The following VWA3B variants were observed in gnomAD, a reference collection of about 807,000 sequenced individuals.
VWA3B encodes the protein von Willebrand factor A domain-containing protein 3B.
VWA3B carries 138 observed loss-of-function variants against 158.3 expected under a neutral mutation model. The ratio of observed to expected loss-of-function variants is 0.87; its 90% CI spans 0.76 to 1.00. The LOEUF (loss-of-function observed/expected upper bound fraction) is 1.00, where lower values mean the gene tolerates loss of function less well. Ranked by LOEUF, VWA3B falls within the 50% of genes least tolerant of loss-of-function variation. The pLI, the probability that VWA3B is intolerant of heterozygous loss-of-function variation, is 0.00. For missense variants in VWA3B, 1,555 were observed against 1,565.1 expected (o/e 0.99, Z 0.11); for synonymous variants, 596 against 587.3 (o/e 1.01, Z -0.21).
At chr2:98,122,810 C>G (rs1156255126) in intron 5 of VWA3B, among the ~76,000 whole-genome samples, 1 of 152,122 alleles carries the variant, frequency 6.6e-6, no homozygotes, top group Admixed American at 6.5e-5. Flanking sequence ...CATTCCTATT[C>G]CAGGAAGTAA....
intron 3 of VWA3B, among the ~76,000 whole-genome samples, chr2:98,118,425 A>T (rs190505362): frequency 6.6e-6 from 1 of 152,184 alleles, no homozygotes; most frequent in Admixed American, 6.5e-5. Context: ...TTTCCAAGAT[A>T]AAGTACCGTA....
At chr2:98,122,809 T>A (rs1675068966) in intron 5 of VWA3B, among the ~76,000 whole-genome samples, 1 of 152,206 alleles carries the variant, frequency 6.6e-6, no homozygotes, top group African/African-American at 2.4e-5. Flanking sequence ...TCATTCCTAT[T>A]CCAGGAAGTA....
At chr2:98,239,021 G>A (rs551570507) in intron 19 of VWA3B, among the ~76,000 whole-genome samples, 2 of 152,280 alleles carry the variant, frequency 1.3e-5, no homozygotes, top group South Asian at 2.1e-4. Flanking sequence ...AATTGGTAAG[G>A]TTAAAAATCA....
chr2:98,260,751 C>T (rs2105843236), intron 21 of VWA3B, among the ~76,000 whole-genome samples: 1 of 151,762 alleles, frequency 6.6e-6, no homozygotes, highest in South Asian at 2.1e-4. Context: ...TTTATATCTG[C>T]TTGATGATTT....
At chr2:98,279,990 T>C (rs960232745) in intron 22 of VWA3B, among the ~76,000 whole-genome samples, 1 of 152,204 alleles carries the variant, frequency 6.6e-6, no homozygotes, top group African/African-American at 2.4e-5. Context: ...TCGTGTGAGA[T>C]GTTTGTGTAA....
chr2:98,209,341 C>T (rs1156944807), intron 12 of VWA3B, among the ~76,000 whole-genome samples: 3 of 151,880 alleles, frequency 2.0e-5, no homozygotes, highest in Non-Finnish European at 4.4e-5. Context: ...AGTGTGGTGG[C>T]GCGATCTCGG....
At chr2:98,142,264 C>T (rs909091444) in intron 7 of VWA3B, among the ~76,000 whole-genome samples, 9 of 152,122 alleles carry the variant, frequency 5.9e-5, no homozygotes, top group African/African-American at 1.9e-4. Context: ...TTTTGTAGAC[C>T]CTGCCCCGCC....
chr2:98,236,245 CTG>C, intron 17 of VWA3B, 143 bp from the exon 18 acceptor site: 2 of 912,420 alleles, frequency 2.2e-6, no homozygotes, highest in Non-Finnish European at 3.3e-6. Context: ...AGAGCCCGCT[CTG>C]ACAAATCAGG....
chr2:98,129,423 C>G (rs2105023250), intron 6 of VWA3B, among the ~76,000 whole-genome samples: 1 of 152,208 alleles, frequency 6.6e-6, no homozygotes, highest in East Asian at 1.9e-4. Flanking sequence ...TATAAGGTCA[C>G]TCATCCTATA....
intron 7 of VWA3B, among the ~76,000 whole-genome samples, chr2:98,162,081 ATACAGTTAAGG>A (rs1678643681): frequency 6.6e-6 from 1 of 152,082 alleles, no homozygotes; most frequent in African/African-American, 2.4e-5. Context: ...CTTGACTTTG[ATACAGTTAAGG>A]TAGCAGGACA....
chr2:98,134,409 G>A (rs1357613501), intron 7 of VWA3B, among the ~76,000 whole-genome samples: 1 of 152,174 alleles, frequency 6.6e-6, no homozygotes, highest in Non-Finnish European at 1.5e-5. Context: ...GAGGCGGAAT[G>A]AACTTCCCCT....
intron 12 of VWA3B, among the ~76,000 whole-genome samples, chr2:98,204,492 T>G (rs896618831): frequency 6.6e-6 from 1 of 152,270 alleles, no homozygotes; most frequent in Non-Finnish European, 1.5e-5. Context: ...CAAATCCTTT[T>G]CTGTGCAAAT....
intron 17 of VWA3B, 70 bp from the exon 18 acceptor site, chr2:98,236,320 T>C (rs1257859839): frequency 1.3e-6 from 2 of 1,515,716 alleles, no homozygotes; most frequent in East Asian, 2.3e-5. Flanking sequence ...GAGACAAGCG[T>C]GATCCCTTTG....
Position 98,112,434 on chromosome 2 carries a change from GTTTTT to G in VWA3B, c.197-3212_197-3208del, listed in dbSNP as rs375442348. On this transcript the variant is annotated intron_variant, in intron 2 of 27. Transcript: ENST00000477737. ...GCTGGTTTTAGAATTACTGGTTGAA[GTTTTT>G]TTTTTCTGACCTTTAAATATGTCAA... 1.7e-3 allele frequency among the ~76,000 whole-genome samples: 256 copies of G among 148,086 alleles called. 3 individuals are homozygous for G. The highest frequency in any genetic ancestry group is 9.0e-3 in the South Asian group (42 of 4,678).
rs6720119 is a variant in VWA3B at position 98,127,296 on chromosome 2, A to G, written c.703-943A>G. Among the ~76,000 whole-genome samples, 1,457 of 152,212 alleles carry G rather than the reference A, an allele frequency of 9.6e-3. 40 individuals carry two copies. Among genetic ancestry groups the G allele is most frequent in the African/African-American group, 0.033 (1,391 of 41,532 alleles). On this transcript the variant is annotated intron_variant, in intron 5 of 27. Transcript: ENST00000477737. ...GAAGTCATCCTGTTTCAATGCCATCATGAATAATAAACTGCATTATCTCCC... is the reference window on the plus strand; with the variant it reads ...GAAGTCATCCTGTTTCAATGCCATCGTGAATAATAAACTGCATTATCTCCC...
intron 12 of VWA3B, among the ~76,000 whole-genome samples, chr2:98,209,841 C>CTTTATGATA (rs1683355616): frequency 6.6e-6 from 1 of 152,140 alleles, no homozygotes; most frequent in Non-Finnish European, 1.5e-5. Context: ...GACTTTATTT[C>CTTTATGATA]CACTTATGTC....
chr2:98,257,194 G>T (rs1434701853), intron 21 of VWA3B, among the ~76,000 whole-genome samples: 1 of 151,912 alleles, frequency 6.6e-6, no homozygotes, highest in African/African-American at 2.4e-5. Flanking sequence ...CCTACAGATG[G>T]GTGAGAACTA....
intron 9 of VWA3B, among the ~76,000 whole-genome samples, 159 bp from the exon 10 acceptor site, chr2:98,187,816 C>T (rs548419531): frequency 1.3e-5 from 2 of 151,920 alleles, no homozygotes; most frequent in Admixed American, 1.3e-4. Context: ...CCATAGGAAG[C>T]GGGCAGCGGA....
At chr2:98,225,036 C>A (rs1278656059) in intron 14 of VWA3B, among the ~76,000 whole-genome samples, 1 of 152,150 alleles carries the variant, frequency 6.6e-6, no homozygotes. Flanking sequence ...ATGGTTCAAG[C>A]AATTCTTCTG....
Sources: gnomAD v4.1 joint callset for allele counts (sites outside exome capture counted in the v4.1 genomes callset) on GRCh38, gnomAD v4.1.1 for gene constraint, MANE v1.5 for transcripts, NCBI Gene and HGNC (gene_info 2026-07-23, HGNC 2026-07-21) for gene names.